Variants in PABPC4L observed in about 807,000 individuals in gnomAD.
The protein encoded by PABPC4L is polyadenylate-binding protein 4-like.
For synonymous variants in PABPC4L, 169 were observed against 164.1 expected, an observed-to-expected ratio of 1.03 and a Z score of -0.23; for missense variants, 452 against 451.4, an observed-to-expected ratio of 1.00 and a Z score of -0.01.
chr4:133,988,240 C>T, the PABPC4L span, among the ~76,000 whole-genome samples: 1 of 152,134 alleles, frequency 6.6e-6, no homozygotes, highest in East Asian at 1.9e-4. Flanking sequence ...CATGCCTTTC[C>T]AACAGTCTCT....
the PABPC4L span, among the ~76,000 whole-genome samples, chr4:134,014,730 C>G: frequency 6.6e-6 from 1 of 151,998 alleles, no homozygotes; most frequent in Non-Finnish European, 1.5e-5. Context: ...AAGGGTAAGT[C>G]TGTCCCCTTC....
chr4:134,147,176 C>G, the PABPC4L span, among the ~76,000 whole-genome samples: 4 of 152,180 alleles, frequency 2.6e-5, no homozygotes, highest in Non-Finnish European at 5.9e-5. Flanking sequence ...CAAATTTCAG[C>G]TTGTGTTAGA....
At chr4:134,032,592 C>T in the PABPC4L span, among the ~76,000 whole-genome samples, 1 of 151,614 alleles carries the variant, frequency 6.6e-6, no homozygotes, top group African/African-American at 2.4e-5. Flanking sequence ...CACACTATAA[C>T]AGTAAAATGA....
chr4:134,039,649 C>CT, the PABPC4L span, among the ~76,000 whole-genome samples: 328 of 151,786 alleles, frequency 2.2e-3, 9 homozygotes, highest in East Asian at 0.051. Context: ...GCAAGCCCTG[C>CT]TTTTTTTTGC....
chr4:134,108,697 A>G, the PABPC4L span, among the ~76,000 whole-genome samples: 1 of 151,766 alleles, frequency 6.6e-6, no homozygotes, highest in Non-Finnish European at 1.5e-5. Flanking sequence ...CCTTGGTTTC[A>G]GAGGTTTCTG....
chr4:134,024,752 T>TC, the PABPC4L span, among the ~76,000 whole-genome samples: 1 of 151,288 alleles, frequency 6.6e-6, no homozygotes, highest in Admixed American at 6.6e-5. Context: ...AGATTTTTTT[T>TC]AATAAGTTCT....
rs1729694300 is a variant in PABPC4L at position 134,197,376 on chromosome 4, A to G, written c.*2531T>C. The G allele has an allele frequency of 6.6e-6, 1 of 151,786 alleles. No individual in the cohort carries two copies. The highest frequency in any genetic ancestry group is 6.6e-5 in the Admixed American group (1 of 15,236). 9.4% of individuals were successfully genotyped at this position (151,786 alleles called of 1,614,324 possible). On this transcript the variant is annotated 3_prime_UTR_variant, in exon 2 of 2. Coordinates refer to ENST00000421491, the MANE Select transcript of PABPC4L (RefSeq NM_001114734.2). ...GAATATGAAAATCTGAAAGTCATAA[A>G]CACAATACAGATAAATTGTGTGGGT...
the PABPC4L span, among the ~76,000 whole-genome samples, chr4:133,954,890 A>G: frequency 2.0e-5 from 3 of 152,154 alleles, no homozygotes; most frequent in African/African-American, 7.2e-5. Context: ...AGAAAGATGG[A>G]GAATTTGAAC....
the PABPC4L span, among the ~76,000 whole-genome samples, chr4:134,161,811 T>C: frequency 6.6e-6 from 1 of 152,074 alleles, no homozygotes; most frequent in Non-Finnish European, 1.5e-5. Context: ...AAAGCTCATA[T>C]ATTTCATAGA....
At chr4:134,112,606 C>CTATCTATCTATCTATA in the PABPC4L span, among the ~76,000 whole-genome samples, 8 of 145,602 alleles carry the variant, frequency 5.5e-5, no homozygotes, top group African/African-American at 2.1e-4. Flanking sequence ...ATCTATCTAT[C>CTATCTATCTATCTATA]TATCTATCTA....
chr4:133,958,568 A>G, the PABPC4L span, among the ~76,000 whole-genome samples: 1 of 152,214 alleles, frequency 6.6e-6, no homozygotes, highest in Non-Finnish European at 1.5e-5. Flanking sequence ...GCTGCTATGA[A>G]GAAATACCCA....
At chr4:134,158,689 A>G in the PABPC4L span, among the ~76,000 whole-genome samples, 1 of 152,160 alleles carries the variant, frequency 6.6e-6, no homozygotes, top group Non-Finnish European at 1.5e-5. Context: ...CTTTGCTAGA[A>G]TATATCTAGG....
the PABPC4L span, among the ~76,000 whole-genome samples, chr4:134,097,785 A>G: frequency 6.6e-6 from 1 of 151,970 alleles, no homozygotes; most frequent in South Asian, 2.1e-4. Flanking sequence ...ACCAGTGAAT[A>G]CTTCTGTTTT....
chr4:133,960,761 T>A, the PABPC4L span, among the ~76,000 whole-genome samples: 1 of 152,110 alleles, frequency 6.6e-6, no homozygotes, highest in African/African-American at 2.4e-5. Flanking sequence ...TCAGATTGCA[T>A]GGGAGCTGGG....
chr4:134,195,071 A>G (rs1729618865), downstream of PABPC4L, among the ~76,000 whole-genome samples: 1 of 151,742 alleles, frequency 6.6e-6, no homozygotes, highest in Non-Finnish European at 1.5e-5. Context: ...TTTGTATACA[A>G]ACTATATATA....
chr4:134,118,381 T>C, the PABPC4L span, among the ~76,000 whole-genome samples: 5 of 151,814 alleles, frequency 3.3e-5, no homozygotes, highest in African/African-American at 1.2e-4. Context: ...ATTTTCATGG[T>C]TACATAGGCT....
At chr4:134,050,846 C>T in the PABPC4L span, among the ~76,000 whole-genome samples, 9 of 150,966 alleles carry the variant, frequency 6.0e-5, no homozygotes, top group African/African-American at 1.5e-4. Context: ...AGACGTGGCC[C>T]GACAATTCCT....
chr4:134,025,747 G>C, the PABPC4L span, among the ~76,000 whole-genome samples: 1 of 151,818 alleles, frequency 6.6e-6, no homozygotes, highest in African/African-American at 2.4e-5. Context: ...TAACTGATTA[G>C]GAATACAAAT....
chr4:134,050,562 A>G, the PABPC4L span, among the ~76,000 whole-genome samples: 1 of 151,994 alleles, frequency 6.6e-6, no homozygotes, highest in Non-Finnish European at 1.5e-5. Flanking sequence ...AAGATTTGCC[A>G]GGTATGGTAG....
Sources: allele counts gnomAD v4.1 joint callset (sites outside exome capture counted in the v4.1 genomes callset), GRCh38; gene constraint gnomAD v4.1.1; transcripts MANE v1.5; gene names NCBI Gene and HGNC (gene_info 2026-07-23, HGNC 2026-07-21).